The following SLC25A48 variants were observed in gnomAD, a reference collection of about 807,000 sequenced individuals.
The protein encoded by SLC25A48 is CTC-321K16.1.
In SLC25A48, 29 loss-of-function variants were observed where a neutral mutation model predicts 32.2. The observed-to-expected ratio is 0.90, with a 90% CI of 0.67 to 1.23. The LOEUF (loss-of-function observed/expected upper bound fraction) is 1.23. Ranked by LOEUF, SLC25A48 falls within the 50% of genes most tolerant of loss-of-function variation. The pLI is 0.00. For missense variants in SLC25A48, 399 were observed against 422.7 expected (o/e 0.94, Z 0.49); for synonymous variants, 164 against 172.3 (o/e 0.95, Z 0.38).
intron 3 of SLC25A48, among the ~76,000 whole-genome samples, chr5:135,791,409 T>C (rs1757028446): frequency 1.3e-5 from 2 of 151,806 alleles, no homozygotes; most frequent in South Asian, 2.1e-4. Flanking sequence ...GTGATATTTA[T>C]CATAATTTCT....
chr5:135,811,745 G>A (rs1327956035), intron 3 of SLC25A48, among the ~76,000 whole-genome samples: 2 of 152,108 alleles, frequency 1.3e-5, no homozygotes, highest in Admixed American at 1.3e-4. Context: ...GAAAGACACC[G>A]TCCTGTCCCA....
intron 4 of SLC25A48, among the ~76,000 whole-genome samples, chr5:135,818,093 CTCTCTCTCTCTCTCTCTCTCT>C (rs1757779974): frequency 1.4e-5 from 2 of 143,602 alleles, no homozygotes; most frequent in South Asian, 2.2e-4. Flanking sequence ...CTCTCTCTCT[CTCTCTCTCTCTCTCTCTCTCT>C]CTCTCCCTCT....
At chr5:135,608,283 G>T (rs915227483) in intron 1 of SLC25A48, among the ~76,000 whole-genome samples, 1 of 152,120 alleles carries the variant, frequency 6.6e-6, no homozygotes. Context: ...TCCTATAGAG[G>T]ACATGAACTA....
chr5:135,749,176 G>T (rs1188359724), intron 3 of SLC25A48, among the ~76,000 whole-genome samples: 1 of 151,990 alleles, frequency 6.6e-6, no homozygotes, highest in Non-Finnish European at 1.5e-5. Context: ...TGCACTCAGT[G>T]AGTCTTTGCA....
At chr5:135,587,453 G>A (rs1317682776) in intron 1 of SLC25A48, among the ~76,000 whole-genome samples, 1 of 152,220 alleles carries the variant, frequency 6.6e-6, no homozygotes, top group Admixed American at 6.5e-5. Context: ...GAGTGTTTGT[G>A]ATATTGGTGT....
intron 3 of SLC25A48, among the ~76,000 whole-genome samples, chr5:135,676,807 G>A (rs1033930482): frequency 6.6e-6 from 1 of 151,914 alleles, no homozygotes; most frequent in African/African-American, 2.4e-5. Flanking sequence ...GGTCACTATA[G>A]TCTGAGACAA....
chr5:135,887,938 A>T, intron 7 of SLC25A48, 94 bp from the exon 8 acceptor site: 1 of 1,161,752 alleles, frequency 8.6e-7, no homozygotes, highest in Non-Finnish European at 1.3e-6. Flanking sequence ...TGCAAAACAT[A>T]GGGGTTAGAG....
intron 3 of SLC25A48, among the ~76,000 whole-genome samples, chr5:135,700,304 G>C (rs549139416): frequency 8.8e-5 from 13 of 148,116 alleles, no homozygotes; most frequent in African/African-American, 2.5e-4. Flanking sequence ...CCCAGGAGGG[G>C]GAGGTTGCAG....
intron 3 of SLC25A48, among the ~76,000 whole-genome samples, chr5:135,792,170 G>C (rs1173568243): frequency 6.6e-6 from 1 of 151,684 alleles, no homozygotes; most frequent in Admixed American, 6.6e-5. Context: ...TGTAACTTGG[G>C]TTGTACACTA....
At chr5:135,627,398 T>C (rs1181476348) in intron 1 of SLC25A48, among the ~76,000 whole-genome samples, 1 of 152,196 alleles carries the variant, frequency 6.6e-6, no homozygotes, top group Non-Finnish European at 1.5e-5. Context: ...GCCCAGGTCA[T>C]GACTATGATT....
intron 3 of SLC25A48, among the ~76,000 whole-genome samples, chr5:135,721,491 C>T (rs1321991732): frequency 6.6e-6 from 1 of 152,096 alleles, no homozygotes; most frequent in Non-Finnish European, 1.5e-5. Flanking sequence ...GTGTGAACCA[C>T]CGCACCCGGC....
At chr5:135,882,476 G>A (rs763047598) in intron 7 of SLC25A48, among the ~76,000 whole-genome samples, 17 of 152,082 alleles carry the variant, frequency 1.1e-4, no homozygotes, top group South Asian at 4.2e-4. Flanking sequence ...AAGAAGTGGC[G>A]GGATGGGGAC....
chr5:135,701,118 C>T (rs557782579), intron 3 of SLC25A48, among the ~76,000 whole-genome samples: 6 of 152,108 alleles, frequency 3.9e-5, no homozygotes, highest in Admixed American at 2.0e-4. Flanking sequence ...AGTAATGGGC[C>T]GAGTAGCACC....
intron 3 of SLC25A48, among the ~76,000 whole-genome samples, chr5:135,686,948 T>G (rs537990375): frequency 6.6e-6 from 1 of 150,390 alleles, no homozygotes; most frequent in African/African-American, 2.4e-5. Context: ...AAAGGGTTGT[T>G]TTTTTTTTTT....
At chr5:135,787,085 TA>T in intron 3 of SLC25A48, among the ~76,000 whole-genome samples, 1 of 152,188 alleles carries the variant, frequency 6.6e-6, no homozygotes, top group East Asian at 1.9e-4. Flanking sequence ...GTATTATTCG[TA>T]GAATCCTAGG....
chr5:135,858,275 AC>A (rs1760498918), intron 4 of SLC25A48, among the ~76,000 whole-genome samples: 1 of 152,062 alleles, frequency 6.6e-6, no homozygotes, highest in Non-Finnish European at 1.5e-5. Context: ...ATATTTCTCA[AC>A]CCTGCAAAGC....
At position 135,630,588 on chromosome 5, in the gene SLC25A48, C is replaced by CTTTTTT; in HGVS notation, c.-709+1240_-709+1245dup. 4.3e-3 allele frequency among the ~76,000 whole-genome samples: 254 copies of CTTTTTT among 58,946 alleles called. 37 individuals are homozygous for CTTTTTT. The highest frequency in any genetic ancestry group is 5.7e-3 in the Non-Finnish European group (183 of 32,218). The allele number at this position is 58,946 out of a possible 152,430, so 38.7% of individuals were successfully genotyped here. A position where few individuals can be genotyped will look rare whatever the true frequency, so the allele number is the denominator to read the frequency against. ...AGGGGAAGATGGTTAGGCTGGGCAC[C>CTTTTTT]TTTTTTTTTTTTTTTTTTTTTTTTT... is the stretch of plus-strand genomic sequence containing the variant. On this transcript the variant is annotated intron_variant, in intron 2 of 10. Transcript: ENST00000646290.
At chr5:135,810,393 A>C (rs1757565879) in intron 3 of SLC25A48, among the ~76,000 whole-genome samples, 2 of 152,186 alleles carry the variant, frequency 1.3e-5, no homozygotes, top group African/African-American at 4.8e-5. Context: ...TGTTTTGGGT[A>C]ATATGGCCCC....
Position 135,656,848 on chromosome 5 carries a change from G to T in SLC25A48, c.-521+21892G>T, listed in dbSNP as rs551279490. The stretch of plus-strand genomic sequence containing the variant: ...CTGGAAGCTGGGAGGAGGCCAGGAA[G>T]AATGCCCCACATGTTTCTGAGGGAC... On this transcript the variant is annotated intron_variant, in intron 3 of 10. Transcript: ENST00000646290. Among the ~76,000 whole-genome samples, 13 of 152,318 alleles carry T rather than the reference G, an allele frequency of 8.5e-5. 1 individual carries two copies. The highest frequency in any genetic ancestry group is 7.8e-4 in the Admixed American group (12 of 15,306).
Sources: gnomAD v4.1 joint callset for allele counts (sites outside exome capture counted in the v4.1 genomes callset) on GRCh38, gnomAD v4.1.1 for gene constraint, MANE v1.5 for transcripts, NCBI Gene and HGNC (gene_info 2026-07-23, HGNC 2026-07-21) for gene names.